Variants in NRG3 observed in about 807,000 individuals in gnomAD.
NRG3 encodes neuregulin 3.
NRG3 carries 31 observed loss-of-function variants against 66.9 expected under a neutral mutation model. That is an observed-to-expected ratio of 0.46 (90% CI 0.35 to 0.63). NRG3 has a LOEUF of 0.63. Ranked by LOEUF, NRG3 falls within the 20% of genes least tolerant of loss-of-function variation. The pLI is 0.00. For missense variants in NRG3, 910 were observed against 878.9 expected (o/e 1.04, Z -0.45); for synonymous variants, 393 against 359.4 (o/e 1.09, Z -1.06).
At chr10:82,419,352 T>G (rs2088883538) in intron 2 of NRG3, among the ~76,000 whole-genome samples, 1 of 152,202 alleles carries the variant, frequency 6.6e-6, no homozygotes, top group Non-Finnish European at 1.5e-5. Flanking sequence ...CACTTTCAAA[T>G]GCAAGGTCTT....
chr10:82,152,505 CTATTTCTTTT>C (rs1198214821), intron 1 of NRG3, among the ~76,000 whole-genome samples: 5 of 152,024 alleles, frequency 3.3e-5, no homozygotes, highest in Non-Finnish European at 7.4e-5. Flanking sequence ...CAGTTCTGAA[CTATTTCTTTT>C]TTTTTGAAAT....
At chr10:82,394,865 G>C (rs2086620407) in intron 2 of NRG3, among the ~76,000 whole-genome samples, 1 of 152,170 alleles carries the variant, frequency 6.6e-6, no homozygotes, top group Non-Finnish European at 1.5e-5. Flanking sequence ...ATGGAAGTAA[G>C]TCTTAGCTTG....
intron 1 of NRG3, among the ~76,000 whole-genome samples, chr10:82,300,975 A>AAAG (rs757601496): frequency 4.6e-5 from 7 of 152,104 alleles, no homozygotes; most frequent in Admixed American, 6.6e-5. Context: ...TTAAATTTAA[A>AAAG]AAGAAGAAGA....
chr10:82,723,654 T>A lies in NRG3; in HGVS notation c.954-14923T>A, dbSNP rs114863878. 5.9e-3 allele frequency among the ~76,000 whole-genome samples: 897 copies of A among 152,244 alleles called. 10 individuals carry two copies. Among genetic ancestry groups the A allele is most frequent in the African/African-American group, 0.02 (850 of 41,544 alleles). ...TGAAGCCTTTGGAAAATACGATAAA[T>A]TTTAAAAATAAGATTTAATGATTTG... is the stretch of plus-strand genomic sequence containing the variant. On this transcript the variant is annotated intron_variant, in intron 2 of 8. Transcript: ENST00000372141.
intron 1 of NRG3, among the ~76,000 whole-genome samples, chr10:82,205,051 G>A (rs747136891): frequency 5.9e-5 from 9 of 152,264 alleles, no homozygotes; most frequent in African/African-American, 1.2e-4. Context: ...TGTTTGTGTC[G>A]TACATGGAGA....
At chr10:82,010,833 G>C (rs1013024123) in intron 1 of NRG3, among the ~76,000 whole-genome samples, 1 of 152,142 alleles carries the variant, frequency 6.6e-6, no homozygotes, top group African/African-American at 2.4e-5. Flanking sequence ...CTGCAGGGAT[G>C]TGCCTCTTTT....
At chr10:82,346,707 G>A (rs2083048465) in intron 1 of NRG3, among the ~76,000 whole-genome samples, 1 of 151,122 alleles carries the variant, frequency 6.6e-6, no homozygotes, top group Admixed American at 6.6e-5. Context: ...GACTCTTTTT[G>A]GTTGGTAAGC....
At position 82,802,139 on chromosome 10, in the gene NRG3, TTACTC is replaced by T. The variant is rs2061068399; in HGVS notation, c.1028-63269_1028-63265del. 2.0e-5 allele frequency among the ~76,000 whole-genome samples: 3 copies of T among 152,204 alleles called. 1 individual carries two copies. In the South Asian group the frequency reaches 6.2e-4, roughly 31 times the overall value. Reference sequence around the variant, plus strand: ...GTATGAGTTTTTTAACCAAATTCCTTTACTCTAATACTTTTGTGAGATCAGATATA... The same window carrying T: ...GTATGAGTTTTTTAACCAAATTCCTTTAATACTTTTGTGAGATCAGATATA... On this transcript the variant is annotated intron_variant, in intron 3 of 8. Transcript: ENST00000372141.
chr10:82,040,419 TG>T (rs1405110066), intron 1 of NRG3, among the ~76,000 whole-genome samples: 2 of 151,160 alleles, frequency 1.3e-5, no homozygotes. Flanking sequence ...ATATGTAATA[TG>T]TAATCTTTCA....
intron 1 of NRG3, among the ~76,000 whole-genome samples, chr10:82,284,114 A>AT (rs1208740682): frequency 5.3e-5 from 8 of 152,222 alleles, no homozygotes; most frequent in African/African-American, 1.7e-4. Context: ...ACCTGATGTT[A>AT]GTGACAAATG....
chr10:82,382,986 G>T (rs371260053), intron 2 of NRG3, among the ~76,000 whole-genome samples: 1 of 151,838 alleles, frequency 6.6e-6, no homozygotes, highest in Non-Finnish European at 1.5e-5. Context: ...GATTGGCCTG[G>T]CCTAATTCTT....
At chr10:82,836,329 A>G (rs17100892) in intron 3 of NRG3, among the ~76,000 whole-genome samples, 7,009 of 152,272 alleles carry the variant, frequency 0.046, 223 homozygotes, top group African/African-American at 0.093. Context: ...GACATAAGGA[A>G]AGAATAGCAA....
At chr10:82,567,692 C>G (rs138659441) in intron 2 of NRG3, among the ~76,000 whole-genome samples, 1 of 152,034 alleles carries the variant, frequency 6.6e-6, no homozygotes, top group East Asian at 1.9e-4. Flanking sequence ...CTCCTTCTTG[C>G]CATCTCTAGG....
intron 2 of NRG3, among the ~76,000 whole-genome samples, chr10:82,692,305 T>C (rs983149577): frequency 6.6e-6 from 1 of 150,900 alleles, no homozygotes. Flanking sequence ...AAACTAGATA[T>C]AGAGAATGTA....
intron 2 of NRG3, among the ~76,000 whole-genome samples, chr10:82,730,540 G>C (rs1011883031): frequency 1.3e-5 from 2 of 152,232 alleles, no homozygotes; most frequent in Admixed American, 1.3e-4. Flanking sequence ...TAAAGCAGCC[G>C]TTACTCTGAA....
At chr10:82,085,202 A>G (rs1021040694) in intron 1 of NRG3, among the ~76,000 whole-genome samples, 3 of 152,060 alleles carry the variant, frequency 2.0e-5, no homozygotes, top group East Asian at 1.9e-4. Flanking sequence ...CAAATCTCCA[A>G]CTTCCTTTTG....
chr10:82,818,361 G>A, intron 3 of NRG3, among the ~76,000 whole-genome samples: 1 of 152,152 alleles, frequency 6.6e-6, no homozygotes, highest in Non-Finnish European at 1.5e-5. Context: ...ACTTCAGGAG[G>A]CTGTGGAAGA....
At chr10:82,733,628 A>T (rs2058024359) in intron 2 of NRG3, among the ~76,000 whole-genome samples, 1 of 152,224 alleles carries the variant, frequency 6.6e-6, no homozygotes, top group African/African-American at 2.4e-5. Context: ...ACCTTTCATC[A>T]ATGAGTAAAT....
chr10:82,732,497 T>A (rs1466319192), intron 2 of NRG3, among the ~76,000 whole-genome samples: 1 of 152,188 alleles, frequency 6.6e-6, no homozygotes, highest in African/African-American at 2.4e-5. Context: ...TTAAGGTCAA[T>A]CACAGCTGAG....
Sources: allele counts gnomAD v4.1 joint callset (sites outside exome capture counted in the v4.1 genomes callset), GRCh38; gene constraint gnomAD v4.1.1; transcripts MANE v1.5; gene names NCBI Gene and HGNC (gene_info 2026-07-23, HGNC 2026-07-21).